The following MAML3 variants were observed in gnomAD, a reference collection of about 807,000 sequenced individuals.
MAML3 encodes mastermind-like protein 3.
A neutral mutation model predicts 101.9 loss-of-function variants in MAML3; 27 were observed. The ratio of observed to expected loss-of-function variants is 0.27; its 90% confidence interval spans 0.20 to 0.37. The LOEUF (loss-of-function observed/expected upper bound fraction) is 0.37, where lower values mean the gene tolerates loss of function less well. Among genes scored for constraint, MAML3 ranks in the 10% least tolerant of loss-of-function variants. The pLI is 1.00. For missense variants in MAML3, 1,316 were observed against 1,444.9 expected, an observed-to-expected ratio of 0.91 and a Z score of 1.45; for synonymous variants, 501 against 555.9, an observed-to-expected ratio of 0.90 and a Z score of 1.39.
intron 2 of MAML3, among the ~76,000 whole-genome samples, chr4:139,747,641 C>G (rs993532213): frequency 2.6e-5 from 4 of 151,476 alleles, no homozygotes; most frequent in Admixed American, 2.6e-4. Flanking sequence ...TTACAGTGAG[C>G]CGAGATAGTG....
At chr4:140,113,914 T>C (rs1186231011) in intron 1 of MAML3, among the ~76,000 whole-genome samples, 1 of 152,196 alleles carries the variant, frequency 6.6e-6, no homozygotes, top group Admixed American at 6.5e-5. Flanking sequence ...CTTACTTTCA[T>C]GTTCTCAGTA....
chr4:140,128,867 G>A (rs1728731730), intron 1 of MAML3, among the ~76,000 whole-genome samples: 1 of 152,156 alleles, frequency 6.6e-6, no homozygotes, highest in Admixed American at 6.5e-5. Context: ...GGGAGTAAAT[G>A]GAACAAGTAA....
intron 2 of MAML3, among the ~76,000 whole-genome samples, chr4:139,754,737 G>T (rs1053011729): frequency 1.3e-5 from 2 of 152,148 alleles, no homozygotes; most frequent in Non-Finnish European, 2.9e-5. Context: ...AGGGTGTCTG[G>T]ATTATACTTT....
At chr4:140,150,706 TCA>T (rs949964722) in intron 1 of MAML3, among the ~76,000 whole-genome samples, 5 of 151,924 alleles carry the variant, frequency 3.3e-5, no homozygotes, top group African/African-American at 1.2e-4. Context: ...TCTTAAATTC[TCA>T]GTCTCAGGTT....
intron 1 of MAML3, among the ~76,000 whole-genome samples, chr4:140,050,374 T>A: frequency 6.6e-6 from 1 of 151,668 alleles, no homozygotes; most frequent in East Asian, 1.9e-4. Context: ...TTCATTGGAG[T>A]CAACTGGTGC....
intron 1 of MAML3, among the ~76,000 whole-genome samples, chr4:140,049,509 G>C (rs900604010): frequency 3.9e-5 from 6 of 152,174 alleles, no homozygotes; most frequent in African/African-American, 1.2e-4. Context: ...AACAGAGGAG[G>C]GGGGAAGAGA....
chr4:139,965,662 C>A lies in MAML3; in HGVS notation c.469-74695G>T, dbSNP rs190623111. ...TATAACTGTTTCTAACACATCATTT[C>A]TTCATTCTATTTTTAATCTATCTGA... On this transcript the variant is annotated intron_variant, in intron 1 of 4. Coordinates refer to ENST00000509479, the MANE Select transcript of MAML3 (RefSeq NM_018717.5). Among the ~76,000 whole-genome samples the A allele has an allele frequency of 2.0e-5, 3 of 152,312 alleles. No homozygotes were observed. The East Asian group carries it at 5.8e-4, about 29-fold the overall frequency.
At chr4:139,953,581 T>G (rs992622353) in intron 1 of MAML3, among the ~76,000 whole-genome samples, 1 of 152,194 alleles carries the variant, frequency 6.6e-6, no homozygotes, top group South Asian at 2.1e-4. Flanking sequence ...ATGGCGCCAA[T>G]GTACTCCAGC....
In MAML3 at chr4:140,110,863, T is replaced by C. The variant is rs547021765; in HGVS notation, c.468+41997A>G. Among the ~76,000 whole-genome samples the C allele has an allele frequency of 4.5e-4, 69 of 152,318 alleles. 1 individual carries two copies. In the South Asian group the frequency reaches 0.013, roughly 29 times the overall value. On this transcript the variant is annotated intron_variant, in intron 1 of 4. Coordinates refer to ENST00000509479, the MANE Select transcript of MAML3 (RefSeq NM_018717.5). Reference sequence around the variant, plus strand: ...TTACATGAAGTGGTACCTAGCTTTGTGGTTAGCATAAAATATCCTAGTAAG... The same window carrying C: ...TTACATGAAGTGGTACCTAGCTTTGCGGTTAGCATAAAATATCCTAGTAAG...
chr4:139,969,892 A>G (rs1006895343), intron 1 of MAML3, among the ~76,000 whole-genome samples: 1 of 152,244 alleles, frequency 6.6e-6, no homozygotes. Flanking sequence ...TGGAGTAGAC[A>G]CATGTTAAGT....
At position 139,719,727 on chromosome 4, in the gene MAML3, C is replaced by T; in HGVS notation, c.3013G>A (p.Gly1005Arg). 1 of 1,613,716 alleles carries T rather than the reference C, an allele frequency of 6.2e-7. No homozygotes were observed. Residue 1005 changes from glycine to arginine, a missense_variant, in exon 5 of 5, where the codon GGA (glycine) becomes AGA (arginine). Gly to Arg is a moderately radical substitution (Grantham distance 125, BLOSUM62 -2). Transcript: ENST00000509479. ...GCATCCACGACTGACTGGCTCAGTCCCTGTGGGAAGTGCTGCTTGGTCAGT... is the reference window on the plus strand; with the variant it reads ...GCATCCACGACTGACTGGCTCAGTCTCTGTGGGAAGTGCTGCTTGGTCAGT... ...PRLTKQHFPQ[G>R]LSQSVVDANT...
At chr4:140,112,132 CTA>C (rs1368138399) in intron 1 of MAML3, among the ~76,000 whole-genome samples, 2 of 152,092 alleles carry the variant, frequency 1.3e-5, no homozygotes, top group African/African-American at 2.4e-5. Flanking sequence ...TCATCAATTT[CTA>C]TATCAGTATG....
At chr4:139,757,642 C>CAAA (rs10583574) in intron 2 of MAML3, among the ~76,000 whole-genome samples, 164 of 104,534 alleles carry the variant, frequency 1.6e-3, no homozygotes, top group African/African-American at 3.3e-3. Context: ...GGCTCCATTT[C>CAAA]AAAAAAAAAA....
intron 1 of MAML3, among the ~76,000 whole-genome samples, chr4:140,076,159 A>AC (rs1423963346): frequency 6.6e-6 from 1 of 151,708 alleles, no homozygotes; most frequent in Non-Finnish European, 1.5e-5. Context: ...GAGCCACCAC[A>AC]CCTGGCCCAT....
chr4:139,980,993 A>G (rs1389333564), intron 1 of MAML3, among the ~76,000 whole-genome samples: 1 of 152,220 alleles, frequency 6.6e-6, no homozygotes, highest in African/African-American at 2.4e-5. Context: ...AAGAATGCCA[A>G]TGTTGTTTTT....
chr4:139,905,491 CAAAAAA>C (rs57898254), intron 1 of MAML3, among the ~76,000 whole-genome samples: 2 of 79,976 alleles, frequency 2.5e-5, no homozygotes, highest in African/African-American at 7.6e-5. Flanking sequence ...GACTCTGTCT[CAAAAAA>C]AAAAAAAAAA....
At chr4:139,822,190 TATC>T (rs1303834424) in intron 2 of MAML3, among the ~76,000 whole-genome samples, 11 of 148,918 alleles carry the variant, frequency 7.4e-5, no homozygotes, top group East Asian at 4.0e-4. Context: ...CCATCACCAT[TATC>T]ATCATCAGGA....
chr4:140,132,964 G>A (rs879142794), intron 1 of MAML3: 3 of 326,450 alleles, frequency 9.2e-6, no homozygotes, highest in South Asian at 5.1e-5. Flanking sequence ...TCTTTGATAA[G>A]AGTTTATTAC....
intron 1 of MAML3, among the ~76,000 whole-genome samples, chr4:140,005,189 C>G (rs1211116003): frequency 1.3e-5 from 2 of 152,170 alleles, no homozygotes; most frequent in Non-Finnish European, 2.9e-5. Context: ...AGGATTTTTC[C>G]TGTTTCACCT....
Sources: gnomAD v4.1 joint callset for allele counts (sites outside exome capture counted in the v4.1 genomes callset) on GRCh38, gnomAD v4.1.1 for gene constraint, MANE v1.5 for transcripts, NCBI Gene and HGNC (gene_info 2026-07-23, HGNC 2026-07-21) for gene names.